Variants in LARGE1 observed in about 807,000 individuals in gnomAD.
LARGE1 encodes the protein xylosyl- and glucuronyltransferase LARGE1.
Under a neutral mutation model 87.6 loss-of-function variants are expected in LARGE1, and 43 were observed. The ratio of observed to expected loss-of-function variants is 0.49; its 90% CI spans 0.38 to 0.63. The LOEUF (loss-of-function observed/expected upper bound fraction) is 0.63, where lower values mean the gene tolerates loss of function less well. Ranked by LOEUF, LARGE1 falls within the 30% of genes least tolerant of loss-of-function variation. The pLI is 0.00. For missense variants in LARGE1, 802 were observed against 1,000.2 expected (o/e 0.80, Z 2.67); for synonymous variants, 434 against 394.6 (o/e 1.10, Z -1.18).
chr22:33,594,832 C>T (rs755083638), intron 5 of LARGE1, among the ~76,000 whole-genome samples: 6 of 152,160 alleles, frequency 3.9e-5, no homozygotes, highest in African/African-American at 7.2e-5. Flanking sequence ...GTCTCGAACT[C>T]CTGACCTTAG....
intron 6 of LARGE1, among the ~76,000 whole-genome samples, chr22:33,468,623 A>G (rs1462115759): frequency 2.0e-5 from 3 of 152,222 alleles, no homozygotes; most frequent in African/African-American, 7.2e-5. Context: ...CAAGATCTGC[A>G]TACATCTATT....
chr22:33,601,783 T>C (rs997450068), intron 5 of LARGE1, among the ~76,000 whole-genome samples: 3 of 152,162 alleles, frequency 2.0e-5, no homozygotes, highest in African/African-American at 4.8e-5. Context: ...TTTGAACGTA[T>C]CAGATTGTAT....
At chr22:33,291,026 G>A (rs999960238) in intron 12 of LARGE1, among the ~76,000 whole-genome samples, 10 of 150,678 alleles carry the variant, frequency 6.6e-5, no homozygotes, top group African/African-American at 2.0e-4. Flanking sequence ...GCAACAGAGC[G>A]AGACTCCATC....
chr22:33,646,713 TG>T (rs2080625709), intron 3 of LARGE1, among the ~76,000 whole-genome samples: 1 of 152,136 alleles, frequency 6.6e-6, no homozygotes, highest in Admixed American at 6.5e-5. Context: ...CTTAAAGCAG[TG>T]GTTTCCTTTT....
chr22:33,132,039 C>A, the LARGE1 span, among the ~76,000 whole-genome samples: 1 of 151,544 alleles, frequency 6.6e-6, no homozygotes, highest in Non-Finnish European at 1.5e-5. Flanking sequence ...CAGGAAAGAC[C>A]CACCCCTATG....
chr22:33,647,344 T>TA (rs1454310210), intron 3 of LARGE1, among the ~76,000 whole-genome samples: 1 of 152,240 alleles, frequency 6.6e-6, no homozygotes, highest in Non-Finnish European at 1.5e-5. Flanking sequence ...GGTATCCCTG[T>TA]AACTAAGTTG....
intron 1 of LARGE1, among the ~76,000 whole-genome samples, chr22:33,915,012 AACACAC>A (rs71320998): frequency 6.2e-4 from 87 of 139,208 alleles, no homozygotes; most frequent in African/African-American, 1.9e-3. Context: ...TACAAACACA[AACACAC>A]ACACACACAC....
At chr22:33,076,438 T>C in the LARGE1 span, among the ~76,000 whole-genome samples, 1 of 152,140 alleles carries the variant, frequency 6.6e-6, no homozygotes, top group South Asian at 2.1e-4. Context: ...CAAGGACTTG[T>C]GTTTTGTAAT....
intron 1 of LARGE1, among the ~76,000 whole-genome samples, chr22:33,903,944 G>A (rs748113676): frequency 3.9e-5 from 6 of 152,290 alleles, no homozygotes; most frequent in East Asian, 3.9e-4. Flanking sequence ...GTTGACTGGC[G>A]CTGGTAGGGG....
chr22:33,248,497 G>A (rs1926870812), intron 11 of LARGE1, among the ~76,000 whole-genome samples: 1 of 152,062 alleles, frequency 6.6e-6, no homozygotes, highest in South Asian at 2.1e-4. Flanking sequence ...CGTGAGCCAC[G>A]TGTAGACTTT....
intron 2 of LARGE1, among the ~76,000 whole-genome samples, chr22:33,711,614 A>G (rs73402821): frequency 0.042 from 6,469 of 152,244 alleles, 471 homozygotes; most frequent in African/African-American, 0.15. Context: ...AAAAGGAAAG[A>G]GCACAGAGAA....
At chr22:33,124,106 G>T in the LARGE1 span, among the ~76,000 whole-genome samples, 1 of 152,092 alleles carries the variant, frequency 6.6e-6, no homozygotes, top group South Asian at 2.1e-4. Context: ...GTCCAACATG[G>T]TGGAACCCCA....
rs1207040205 is a variant in LARGE1, at chr22:33,385,400, T to C, written c.893-1096A>G. ...AAAATTAGCTGGGTGTGGTGGTGCA[T>C]GCCTGTGATCCCAGTTACTTGGGAG... On this transcript the variant is annotated intron_variant, in intron 7 of 14. Coordinates refer to ENST00000397394, the MANE Select transcript of LARGE1 (RefSeq NM_133642.5). 3.4e-5 allele frequency among the ~76,000 whole-genome samples: 5 copies of C among 146,712 alleles called. 1 individual carries two copies. Among genetic ancestry groups the C allele is most frequent in the Non-Finnish European group, 7.6e-5 (5 of 65,748 alleles).
chr22:33,325,793 T>G (rs1440722389), intron 10 of LARGE1, among the ~76,000 whole-genome samples: 1 of 152,238 alleles, frequency 6.6e-6, no homozygotes, highest in Admixed American at 6.5e-5. Flanking sequence ...TGCTTTGCAC[T>G]TTCAACTTGC....
chr22:33,207,723 G>A (rs1020498888), intron 11 of LARGE1, among the ~76,000 whole-genome samples: 3 of 152,044 alleles, frequency 2.0e-5, no homozygotes, highest in African/African-American at 7.2e-5. Context: ...CACACAGATT[G>A]AAGATTGGCA....
chr22:33,245,952 G>A lies in LARGE1; in HGVS notation c.1730+58277C>T, dbSNP rs560202106. Reference sequence around the variant, plus strand: ...ACAAACAGAATTCATCCAAAAAAATGAGAAGTGTCAATAAAAAGATAATAT... The same window carrying A: ...ACAAACAGAATTCATCCAAAAAAATAAGAAGTGTCAATAAAAAGATAATAT... On this transcript the variant is annotated intron_variant, in intron 11 of 11. Coordinates refer to the LARGE1 transcript ENST00000608642. 2.0e-5 allele frequency among the ~76,000 whole-genome samples: 3 copies of A among 152,238 alleles called. 1 individual carries two copies. The highest frequency in any genetic ancestry group is 7.2e-5 in the African/African-American group (3 of 41,576).
downstream of LARGE1, among the ~76,000 whole-genome samples, chr22:33,268,016 C>T (rs545636723): frequency 1.7e-4 from 26 of 150,848 alleles, 2 homozygotes; most frequent in South Asian, 4.2e-4. Context: ...AGTTCAGTGG[C>T]GCGATCTCGG....
At chr22:33,669,661 C>T (rs1364718962) in intron 2 of LARGE1, among the ~76,000 whole-genome samples, 2 of 152,218 alleles carry the variant, frequency 1.3e-5, no homozygotes, top group Non-Finnish European at 2.9e-5. Context: ...CCAAGATCTG[C>T]TCCCTGTGAC....
chr22:33,715,592 C>A (rs2082885385), intron 2 of LARGE1, among the ~76,000 whole-genome samples: 1 of 152,176 alleles, frequency 6.6e-6, no homozygotes. Flanking sequence ...GCATCAGGGT[C>A]CTCTGGAGGG....
Sources: allele counts gnomAD v4.1 joint callset (sites outside exome capture counted in the v4.1 genomes callset), GRCh38; gene constraint gnomAD v4.1.1; transcripts MANE v1.5; gene names NCBI Gene and HGNC (gene_info 2026-07-23, HGNC 2026-07-21).